The following FAM47E variants were observed in gnomAD, a reference collection of about 807,000 sequenced individuals.
FAM47E encodes the protein protein FAM47E.
A neutral mutation model predicts 41.6 loss-of-function variants in FAM47E; 32 were observed. That is an observed-to-expected ratio of 0.77 (90% CI 0.58 to 1.03). FAM47E has a LOEUF of 1.03. Among genes scored for constraint, FAM47E ranks in the 50% least tolerant of loss-of-function variants. The pLI, the probability that FAM47E is intolerant of heterozygous loss-of-function variation, is 0.00. For synonymous variants in FAM47E, 184 were observed against 188.7 expected, an observed-to-expected ratio of 0.98 and a Z score of 0.20; for missense variants, 424 against 485.4, an observed-to-expected ratio of 0.87 and a Z score of 1.19.
chr4:76,221,022 C>G (rs895545863), intron 2 of FAM47E, among the ~76,000 whole-genome samples: 3 of 152,162 alleles, frequency 2.0e-5, no homozygotes, highest in African/African-American at 7.2e-5. Context: ...CCCCAAGGTC[C>G]CTCACTGATT....
intron 2 of FAM47E, among the ~76,000 whole-genome samples, chr4:76,258,785 G>A (rs1302125861): frequency 6.6e-6 from 1 of 152,220 alleles, no homozygotes; most frequent in African/African-American, 2.4e-5. Context: ...CTGGGGAAGG[G>A]ATTAGTGTGT....
intron 2 of FAM47E, among the ~76,000 whole-genome samples, chr4:76,241,180 C>A (rs919810028): frequency 1.1e-4 from 16 of 152,132 alleles, no homozygotes; most frequent in African/African-American, 3.9e-4. Context: ...TCCCTGGGCA[C>A]GCACAGTGAC....
intron 2 of FAM47E, among the ~76,000 whole-genome samples, chr4:76,221,421 C>T (rs1733304781): frequency 6.6e-6 from 1 of 152,122 alleles, no homozygotes; most frequent in Admixed American, 6.5e-5. Flanking sequence ...TGGGTTCAAG[C>T]GGTTCTCCTG....
At chr4:76,266,526 A>G (rs1295494794) in intron 3 of FAM47E, among the ~76,000 whole-genome samples, 1 of 152,162 alleles carries the variant, frequency 6.6e-6, no homozygotes, top group Non-Finnish European at 1.5e-5. Context: ...CTACCAGTCT[A>G]TTCCAAGATT....
At chr4:76,247,910 C>T (rs199891661), upstream of FAM47E, among the ~76,000 whole-genome samples, 3 of 86,842 alleles carry the variant, frequency 3.5e-5, no homozygotes, top group South Asian at 5.3e-4. Context: ...CACTCTCTCT[C>T]TTTTTTTTTT....
intron 5 of FAM47E, among the ~76,000 whole-genome samples, chr4:76,273,681 A>T (rs1251005371): frequency 6.6e-6 from 1 of 151,886 alleles, no homozygotes; most frequent in Non-Finnish European, 1.5e-5. Context: ...ATTTTGGAAA[A>T]TTTTGGACTA....
chr4:76,216,006 C>T (rs893273387), intron 1 of FAM47E, among the ~76,000 whole-genome samples: 3 of 152,194 alleles, frequency 2.0e-5, no homozygotes, highest in Non-Finnish European at 4.4e-5. Flanking sequence ...GCTACCAAAG[C>T]TCTTCAAGCA....
intron 2 of FAM47E, among the ~76,000 whole-genome samples, chr4:76,223,071 A>G (rs757879457): frequency 4.7e-4 from 72 of 152,336 alleles, no homozygotes; most frequent in African/African-American, 1.7e-3. Flanking sequence ...TCAATATCAA[A>G]GGTAAGGCTT....
At chr4:76,277,440 C>T (rs1320472473) in intron 5 of FAM47E, among the ~76,000 whole-genome samples, 1 of 151,206 alleles carries the variant, frequency 6.6e-6, no homozygotes, top group Non-Finnish European at 1.5e-5. Context: ...GAGCCGAGAT[C>T]GTGCCACTCA....
intron 3 of FAM47E, chr4:76,268,392 A>G (rs553630950): frequency 3.3e-4 from 108 of 323,586 alleles, no homozygotes; most frequent in Non-Finnish European, 5.4e-4. Context: ...TGTTTTAATA[A>G]ATGGTACTCA....
intron 1 of FAM47E, 110 bp downstream of exon 1, chr4:76,251,930 T>A: frequency 7.7e-7 from 1 of 1,293,390 alleles, no homozygotes; most frequent in Non-Finnish European, 9.9e-7. Context: ...CAGCCTGCCT[T>A]CCCTCCTCAA....
At chr4:76,252,157 C>A (rs1456487311) in intron 1 of FAM47E, among the ~76,000 whole-genome samples, 1 of 152,106 alleles carries the variant, frequency 6.6e-6, no homozygotes, top group African/African-American at 2.4e-5. Flanking sequence ...TCCGGCCTAG[C>A]CAACCAACTG....
intron 1 of FAM47E, among the ~76,000 whole-genome samples, chr4:76,253,947 T>G (rs942595753): frequency 6.6e-6 from 1 of 151,754 alleles, no homozygotes; most frequent in Non-Finnish European, 1.5e-5. Flanking sequence ...CCCTGTCTCC[T>G]CTCTCTACAA....
At chr4:76,246,620 A>C (rs1323700161) in intron 2 of FAM47E, among the ~76,000 whole-genome samples, 2 of 152,124 alleles carry the variant, frequency 1.3e-5, no homozygotes, top group East Asian at 3.8e-4. Context: ...ATGTACTAAC[A>C]TATCCACCAA....
At chr4:76,216,604 A>C (rs1414672457) in intron 1 of FAM47E, among the ~76,000 whole-genome samples, 12 of 152,204 alleles carry the variant, frequency 7.9e-5, no homozygotes, top group Admixed American at 7.9e-4. Context: ...AATTTGATAA[A>C]TGTATCTTAG....
intron 1 of FAM47E, among the ~76,000 whole-genome samples, chr4:76,215,575 A>C (rs920543908): frequency 1.3e-5 from 2 of 152,228 alleles, no homozygotes; most frequent in African/African-American, 4.8e-5. Flanking sequence ...GGCAGGTTTT[A>C]GCAATTTGTT....
intron 2 of FAM47E, among the ~76,000 whole-genome samples, chr4:76,232,025 CAACTATATTGCCAT>C (rs1387683474): frequency 6.6e-6 from 1 of 152,170 alleles, no homozygotes; most frequent in Non-Finnish European, 1.5e-5. Context: ...CTGATGTAAA[CAACTATATTGCCAT>C]AAGTTATGAA....
intron 7 of FAM47E, chr4:76,282,131 T>C (rs1240977781): frequency 1.3e-5 from 2 of 152,204 alleles, no homozygotes; most frequent in Non-Finnish European, 2.9e-5. Context: ...CAATAATTTC[T>C]AACAGAATCT....
chr4:76,281,705 C>T (rs1735352757), intron 7 of FAM47E: 2 of 151,918 alleles, frequency 1.3e-5, no homozygotes, highest in Admixed American at 1.3e-4. Flanking sequence ...TGATTTAATC[C>T]ATACTGTTCA....
Sources: allele counts gnomAD v4.1 joint callset (sites outside exome capture counted in the v4.1 genomes callset), GRCh38; gene constraint gnomAD v4.1.1; transcripts MANE v1.5; gene names NCBI Gene and HGNC (gene_info 2026-07-23, HGNC 2026-07-21).